The following MAP2 variants were observed in gnomAD, a reference collection of about 807,000 sequenced individuals.
MAP2 encodes microtubule associated protein 2.
Under a neutral mutation model 137.6 loss-of-function variants are expected in MAP2, and 14 were observed. That is an observed-to-expected ratio of 0.10 (90% CI 0.07 to 0.16). The LOEUF (loss-of-function observed/expected upper bound fraction) is 0.16, where lower values mean the gene tolerates loss of function less well. MAP2 is among the 10% of genes least tolerant of loss of function. The probability of loss-of-function intolerance (pLI) is 1.00; values close to 1 mark genes in which losing one functional copy is unlikely to be tolerated. For synonymous variants in MAP2, 786 were observed against 782.3 expected, an observed-to-expected ratio of 1.00 and a Z score of -0.08; for missense variants, 2,088 against 2,191.5, an observed-to-expected ratio of 0.95 and a Z score of 0.94.
chr2:209,650,497 G>A (rs1336201016), intron 4 of MAP2, among the ~76,000 whole-genome samples: 1 of 151,924 alleles, frequency 6.6e-6, no homozygotes, highest in Non-Finnish European at 1.5e-5. Context: ...TCAATAGAGG[G>A]GTATATGATT....
At chr2:209,538,509 GGTCAGAGCAAA>G (rs796108174) in intron 2 of MAP2, among the ~76,000 whole-genome samples, 27 of 150,140 alleles carry the variant, frequency 1.8e-4, no homozygotes, top group African/African-American at 6.6e-4. Context: ...GAAATCAGCA[GGTCAGAGCAAA>G]CGGACAGAAG....
intron 4 of MAP2, among the ~76,000 whole-genome samples, chr2:209,626,008 T>A (rs2092254145): frequency 6.6e-6 from 1 of 152,216 alleles, no homozygotes; most frequent in Non-Finnish European, 1.5e-5. Context: ...TTAGTTTTTT[T>A]AAATTAGAAG....
intron 1 of MAP2, among the ~76,000 whole-genome samples, chr2:209,484,449 T>C (rs1159449034): frequency 6.6e-6 from 1 of 152,098 alleles, no homozygotes; most frequent in Non-Finnish European, 1.5e-5. Flanking sequence ...CCCAGCACTT[T>C]GGGAGGCCGA....
intron 2 of MAP2, among the ~76,000 whole-genome samples, chr2:209,560,398 A>G (rs1578242763): frequency 6.6e-6 from 1 of 152,304 alleles, no homozygotes; most frequent in East Asian, 1.9e-4. Context: ...TAAAATTGCA[A>G]ACATATAACT....
chr2:209,725,653 T>G, intron 13 of MAP2, 56 bp from the exon 14 acceptor site: 5 of 1,158,436 alleles, frequency 4.3e-6, no homozygotes, highest in Non-Finnish European at 6.1e-6. Context: ...ATGTATGAGC[T>G]TGGGTTTTTG....
chr2:209,513,224 C>T (rs1383434703), intron 2 of MAP2, among the ~76,000 whole-genome samples: 1 of 152,132 alleles, frequency 6.6e-6, no homozygotes, highest in Non-Finnish European at 1.5e-5. Flanking sequence ...TCTTGGTCAA[C>T]TTCCAGTACC....
chr2:209,731,767 T>A lies in MAP2; in HGVS notation c.*1370T>A, dbSNP rs909152099. 1 of 152,194 alleles carries A rather than the reference T, an allele frequency of 6.6e-6. No homozygotes were observed. The highest frequency in any genetic ancestry group is 6.5e-5 in the Admixed American group (1 of 15,268). 9.4% of individuals were successfully genotyped at this position (152,194 alleles called of 1,614,324 possible). ...TTGTCTTTCTTACCCAAAGTAAAGA[T>A]CCCCTGATCAGAAAGAAAAAATACA... is the stretch of plus-strand genomic sequence containing the variant. On this transcript the variant is annotated 3_prime_UTR_variant, in exon 16 of 16. Coordinates refer to ENST00000682079, the MANE Select transcript of MAP2 (RefSeq NM_001375505.1).
intron 3 of MAP2, among the ~76,000 whole-genome samples, chr2:209,601,156 G>A (rs1227543430): frequency 6.6e-6 from 1 of 152,140 alleles, no homozygotes; most frequent in Non-Finnish European, 1.5e-5. Context: ...CTTCAACATG[G>A]ACAATAAATG....
chr2:209,702,799 A>G (rs2062152011), intron 11 of MAP2, among the ~76,000 whole-genome samples: 2 of 152,128 alleles, frequency 1.3e-5, no homozygotes, highest in African/African-American at 4.8e-5. Flanking sequence ...TACTGGGTCT[A>G]TAAAACAAGA....
At chr2:209,581,909 C>T (rs2076509596) in intron 3 of MAP2, among the ~76,000 whole-genome samples, 1 of 151,940 alleles carries the variant, frequency 6.6e-6, no homozygotes, top group Non-Finnish European at 1.5e-5. Flanking sequence ...GGTATGCTGA[C>T]AAAATGCATA....
chr2:209,560,755 T>A (rs2071860033), intron 2 of MAP2, among the ~76,000 whole-genome samples: 1 of 152,210 alleles, frequency 6.6e-6, no homozygotes, highest in Admixed American at 6.5e-5. Context: ...TGATTCTATT[T>A]CAAGTAAGAA....
chr2:209,712,865 A>G (rs1287218246), intron 13 of MAP2, among the ~76,000 whole-genome samples: 1 of 152,212 alleles, frequency 6.6e-6, no homozygotes, highest in Admixed American at 6.5e-5. Flanking sequence ...GAGCATCTAT[A>G]CATGCATACC....
intron 4 of MAP2, among the ~76,000 whole-genome samples, chr2:209,631,358 T>G (rs2093028431): frequency 6.6e-6 from 1 of 152,098 alleles, no homozygotes; most frequent in Non-Finnish European, 1.5e-5. Flanking sequence ...GGCATGAATG[T>G]GATTATGAGT....
At chr2:209,687,183 T>G (rs2057317559) in intron 7 of MAP2, among the ~76,000 whole-genome samples, 1 of 150,196 alleles carries the variant, frequency 6.7e-6, no homozygotes, top group African/African-American at 2.5e-5. Context: ...TTAACTAGAA[T>G]TAAATTAACC....
chr2:209,723,523 C>T, intron 13 of MAP2: 1 of 834,718 alleles, frequency 1.2e-6, no homozygotes, highest in East Asian at 2.4e-5. Context: ...TTTGATGCTA[C>T]CCATTCTGGT....
At chr2:209,478,745 G>A (rs1708009479) in intron 1 of MAP2, among the ~76,000 whole-genome samples, 1 of 152,080 alleles carries the variant, frequency 6.6e-6, no homozygotes, top group South Asian at 2.1e-4. Flanking sequence ...TTTTTATTTT[G>A]TTGATATGTC....
intron 1 of MAP2, among the ~76,000 whole-genome samples, chr2:209,478,023 C>G (rs986451914): frequency 6.6e-6 from 1 of 151,806 alleles, no homozygotes; most frequent in African/African-American, 2.4e-5. Context: ...AATAAAGATA[C>G]TAAAAATACT....
intron 5 of MAP2, among the ~76,000 whole-genome samples, chr2:209,669,924 A>C (rs1459361587): frequency 1.3e-5 from 2 of 151,990 alleles, no homozygotes; most frequent in African/African-American, 4.8e-5. Flanking sequence ...TTTTCCCACT[A>C]ATATTTAAAA....
At chr2:209,506,719 A>G (rs910402519) in intron 1 of MAP2, among the ~76,000 whole-genome samples, 2 of 152,168 alleles carry the variant, frequency 1.3e-5, no homozygotes, top group African/African-American at 4.8e-5. Context: ...GCAAGAGACC[A>G]CTGGAAAGAT....
Sources: gnomAD v4.1 joint callset for allele counts (sites outside exome capture counted in the v4.1 genomes callset) on GRCh38, gnomAD v4.1.1 for gene constraint, MANE v1.5 for transcripts, NCBI Gene and HGNC (gene_info 2026-07-23, HGNC 2026-07-21) for gene names.